Variants in ATG10 observed in about 807,000 individuals in gnomAD.
The protein encoded by ATG10 is ubiquitin-like-conjugating enzyme ATG10.
A neutral mutation model predicts 32.1 loss-of-function variants in ATG10; 30 were observed. That is an observed-to-expected ratio of 0.94 (90% CI 0.70 to 1.27). The LOEUF (loss-of-function observed/expected upper bound fraction) is 1.27, where lower values mean the gene tolerates loss of function less well. Ranked by LOEUF, ATG10 falls within the 50% of genes most tolerant of loss-of-function variation. ATG10 has a pLI of 0.00. For missense variants in ATG10, 233 were observed against 262.3 expected, an observed-to-expected ratio of 0.89 and a Z score of 0.77; for synonymous variants, 87 against 91.5, an observed-to-expected ratio of 0.95 and a Z score of 0.28.
chr5:82,158,491 G>A (rs1224342665), intron 3 of ATG10, among the ~76,000 whole-genome samples: 1 of 151,946 alleles, frequency 6.6e-6, no homozygotes, highest in Non-Finnish European at 1.5e-5. Context: ...GAGCAATATA[G>A]TATAGCTGTT....
At chr5:82,138,842 C>G (rs1351833845) in intron 3 of ATG10, among the ~76,000 whole-genome samples, 1 of 448 alleles carries the variant, frequency 2.2e-3, no homozygotes, top group Non-Finnish European at 6.0e-3. Context: ...TCGAGCTCTC[C>G]CTCCCCCTCC....
chr5:81,972,375 A>C (rs1760747461), intron 1 of ATG10, 69 bp downstream of exon 1: 1 of 151,974 alleles, frequency 6.6e-6, no homozygotes, highest in Non-Finnish European at 1.5e-5. Context: ...TCCTTGCCCC[A>C]CTCCTAGGAC....
At chr5:82,179,953 C>T (rs1399342442) in intron 5 of ATG10, among the ~76,000 whole-genome samples, 1 of 152,124 alleles carries the variant, frequency 6.6e-6, no homozygotes, top group Non-Finnish European at 1.5e-5. Flanking sequence ...CTTTTCTCTT[C>T]CCACTGTCAC....
At chr5:82,183,722 C>T (rs971329013) in intron 5 of ATG10, among the ~76,000 whole-genome samples, 2 of 152,084 alleles carry the variant, frequency 1.3e-5, no homozygotes, top group African/African-American at 4.8e-5. Flanking sequence ...ATCTTACTTA[C>T]CTGAGGTATG....
At chr5:82,198,551 A>C (rs1294579218) in intron 5 of ATG10, among the ~76,000 whole-genome samples, 1 of 152,168 alleles carries the variant, frequency 6.6e-6, no homozygotes, top group African/African-American at 2.4e-5. Flanking sequence ...TGAGGCACCA[A>C]GGCAGCCAAG....
At chr5:82,020,929 G>A (rs1214428964) in intron 2 of ATG10, among the ~76,000 whole-genome samples, 2 of 151,930 alleles carry the variant, frequency 1.3e-5, no homozygotes, top group African/African-American at 4.8e-5. Context: ...GACAATTACT[G>A]GAAAAAATAA....
chr5:82,089,274 G>A (rs1270712312), intron 3 of ATG10, among the ~76,000 whole-genome samples: 4 of 152,008 alleles, frequency 2.6e-5, no homozygotes, highest in Non-Finnish European at 5.9e-5. Flanking sequence ...CCCAGGAGGC[G>A]GAGGTTGTGG....
intron 3 of ATG10, among the ~76,000 whole-genome samples, chr5:82,075,438 A>G (rs934688776): frequency 1.6e-4 from 25 of 152,228 alleles, no homozygotes; most frequent in African/African-American, 6.0e-4. Context: ...AAGAAAAATT[A>G]TTTAGTTTGT....
At chr5:82,236,120 TTTC>T (rs368073119) in intron 5 of ATG10, among the ~76,000 whole-genome samples, 29 of 152,298 alleles carry the variant, frequency 1.9e-4, no homozygotes, top group African/African-American at 6.7e-4. Flanking sequence ...TAAATGTTCA[TTTC>T]TTCTTCTTGA....
At chr5:82,095,636 T>G (rs1765032087) in intron 3 of ATG10, among the ~76,000 whole-genome samples, 1 of 152,034 alleles carries the variant, frequency 6.6e-6, no homozygotes, top group Non-Finnish European at 1.5e-5. Context: ...GGGAGTGGTG[T>G]GTATACTTGC....
chr5:82,193,985 A>G (rs1298185162), intron 5 of ATG10, among the ~76,000 whole-genome samples: 1 of 152,190 alleles, frequency 6.6e-6, no homozygotes, highest in Non-Finnish European at 1.5e-5. Flanking sequence ...GGCTGTCCCC[A>G]CAGCTGTGGA....
At chr5:82,209,519 C>G (rs764726958) in intron 5 of ATG10, among the ~76,000 whole-genome samples, 1 of 152,178 alleles carries the variant, frequency 6.6e-6, no homozygotes, top group African/African-American at 2.4e-5. Flanking sequence ...TCTTAACAAG[C>G]ACCATGTGTG....
chr5:82,187,621 C>T (rs113727834), intron 5 of ATG10, among the ~76,000 whole-genome samples: 4 of 151,686 alleles, frequency 2.6e-5, no homozygotes, highest in African/African-American at 9.7e-5. Flanking sequence ...TCTTGTTGCC[C>T]AGGCTGGAGT....
intron 5 of ATG10, among the ~76,000 whole-genome samples, chr5:82,208,257 T>C (rs1745373617): frequency 9.5e-6 from 1 of 105,308 alleles, no homozygotes; most frequent in Non-Finnish European, 1.8e-5. Context: ...TTCCTAACTA[T>C]TCTTTTTTTT....
chr5:82,107,098 CTT>C (rs1765467066), intron 3 of ATG10, among the ~76,000 whole-genome samples: 2 of 152,028 alleles, frequency 1.3e-5, no homozygotes, highest in African/African-American at 2.4e-5. Flanking sequence ...AATTTAACCT[CTT>C]ATGTTCCTAA....
intron 5 of ATG10, among the ~76,000 whole-genome samples, chr5:82,183,523 T>C (rs553106339): frequency 6.2e-4 from 95 of 152,308 alleles, no homozygotes; most frequent in African/African-American, 2.1e-3. Flanking sequence ...TACTTCATGG[T>C]TGCTTCTGGG....
chr5:82,004,338 C>T (rs1025702768), intron 2 of ATG10, among the ~76,000 whole-genome samples: 1 of 152,128 alleles, frequency 6.6e-6, no homozygotes, highest in Non-Finnish European at 1.5e-5. Context: ...ATATGATACA[C>T]TTTCTGAAGT....
intron 3 of ATG10, among the ~76,000 whole-genome samples, chr5:82,081,158 TTGTC>T (rs1007177117): frequency 7.9e-5 from 12 of 151,804 alleles, no homozygotes; most frequent in African/African-American, 2.2e-4. Flanking sequence ...ATTTGGCTGA[TTGTC>T]TGTTGTTGGT....
chr5:82,171,613 A>T (rs1231494765), intron 4 of ATG10, among the ~76,000 whole-genome samples: 2 of 152,156 alleles, frequency 1.3e-5, no homozygotes, highest in Non-Finnish European at 2.9e-5. Flanking sequence ...TTATTTTGGA[A>T]TTTATCTCCC....
Sources: allele counts gnomAD v4.1 joint callset (sites outside exome capture counted in the v4.1 genomes callset), GRCh38; gene constraint gnomAD v4.1.1; transcripts MANE v1.5; gene names NCBI Gene and HGNC (gene_info 2026-07-23, HGNC 2026-07-21).